Variants in LRWD1 observed in about 807,000 individuals in gnomAD.
LRWD1 encodes leucine-rich repeat and WD repeat-containing protein 1.
In LRWD1, 76 loss-of-function variants were observed where a neutral mutation model predicts 75.6. The observed-to-expected ratio is 1.01, with a 90% CI of 0.84 to 1.22. The LOEUF is 1.22. Among genes scored for constraint, LRWD1 ranks in the 50% most tolerant of loss-of-function variants. The pLI, the probability that LRWD1 is intolerant of heterozygous loss-of-function variation, is 0.00. For missense variants in LRWD1, 917 were observed against 862.0 expected (o/e 1.06, Z -0.80); for synonymous variants, 487 against 377.0 (o/e 1.29, Z -3.38).
At chr7:102,466,078 A>T (rs772490531) in intron 2 of LRWD1, 27 bp downstream of exon 2, 54 of 1,613,362 alleles carry the variant, frequency 3.3e-5, no homozygotes, top group Middle Eastern at 1.6e-4. Flanking sequence ...CACCAGCTTC[A>T]TACCTGGGGC....
Position 102,473,034 on chromosome 7 carries a change from C to G in LRWD1, c.1929C>G (p.Ile643Met). 3 of 1,613,308 alleles carry G rather than the reference C, an allele frequency of 1.9e-6. No individual in the cohort carries two copies. The highest frequency in any genetic ancestry group is 2.5e-6 in the Non-Finnish European group (3 of 1,179,664). Residue 643 changes from isoleucine (I) to methionine (M), a missense_variant, in exon 15 of 15, where the codon ATC (isoleucine) becomes ATG (methionine). By Grantham distance (10) the Ile-to-Met change is conservative. Transcript: ENST00000292616. ...TALTDSNIVA[I>M]WGRM ...TGACGGACTCCAACATCGTAGCCAT[C>G]TGGGGGAGGATGTAGCCTCACACCA...
intron 3 of LRWD1, among the ~76,000 whole-genome samples, chr7:102,467,096 TAGGCACCTGGGTTGTTGCTGGG>T (rs1363057366): frequency 4.5e-4 from 58 of 128,294 alleles, no homozygotes; most frequent in African/African-American, 1.3e-3. Context: ...TGTGTGTGTG[TAGGCACCTGGGTTGTTGCTGGG>T]GTGTGTGTGT....
rs775244670 is a variant in LRWD1 at position 102,472,972 on chromosome 7, G to C, written c.1867G>C (p.Val623Leu). 6.2e-7 allele frequency: 1 copy of C among 1,614,066 alleles called. No homozygotes were observed. The highest frequency in any genetic ancestry group is 1.7e-5 in the Admixed American group (1 of 60,004). Residue 623 changes from valine (V) to leucine (L), a missense_variant, in exon 15 of 15, where the codon GTG becomes CTG. By Grantham distance (32) the Val-to-Leu change is conservative. Coordinates refer to ENST00000292616, the MANE Select transcript of LRWD1 (RefSeq NM_152892.3). ...QVVTKTMVNT[V>L]VANASFTYLT... ...GGTGACCAAGACCATGGTGAACACA[G>C]TGGTGGCCAATGCCTCCTTCACCTA... is the stretch of plus-strand genomic sequence containing the variant.
At position 102,467,450 on chromosome 7, in the gene LRWD1, G is replaced by A. The variant is rs768504896; in HGVS notation, c.544G>A (p.Glu182Lys). Residue 182 changes from glutamate (E) to lysine (K), a missense_variant, in exon 4 of 15, where the codon GAG becomes AAG. Transcript: ENST00000292616. ...TGTCAGGGATGTCCGCTACGGGCCC[G>A]AGTCCCTCAGCGAGTTCACCCAGTG... ...SAVRDVRYGP[E>K]SLSEFTQWRV... The A allele has an allele frequency of 3.7e-6, 6 of 1,613,726 alleles. No individual in the cohort carries two copies. Among genetic ancestry groups the A allele is most frequent in the Middle Eastern group, 1.6e-4 (1 of 6,062 alleles).
chr7:102,472,249 G>A lies in LRWD1; in HGVS notation c.1474G>A (p.Gly492Ser), dbSNP rs1237555697. The A allele has an allele frequency of 6.3e-7, 1 of 1,596,934 alleles. No homozygotes were observed. Among genetic ancestry groups the A allele is most frequent in the Admixed American group, 1.7e-5 (1 of 57,918 alleles). ...TGAAGTGGAATTCGTCTTCTCTGAG[G>A]GCTCCGAGGCATCTGGACGGAGAGT... ...VCEVEFVFSEGSEASGRRVDG... is the reference protein window; with the variant it reads ...VCEVEFVFSESSEASGRRVDG... Residue 492 changes from glycine (G) to serine (S), a missense_variant, in exon 12 of 15, where the codon GGC (glycine) becomes AGC (serine). Coordinates refer to ENST00000292616, the MANE Select transcript of LRWD1 (RefSeq NM_152892.3).
Position 102,465,819 on chromosome 7 carries a change from T to C in LRWD1, c.83T>C (p.Leu28Pro). 6.2e-7 allele frequency: 1 copy of C among 1,612,298 alleles called. No individual in the cohort carries two copies. The highest frequency in any genetic ancestry group is 8.5e-7 in the Non-Finnish European group (1 of 1,179,258). ...AAGCCTTCTGCCCCCAACTCCAGCC[T>C]GTCAGGATTGGAGCTGCTTTCCGAG... ...DRLGKIRSLD[L>P]SGLELLSEHL... Residue 28 changes from leucine to proline, a missense_variant and splice_region_variant, in exon 2 of 15, where the codon CTG becomes CCG. Transcript: ENST00000292616.
At chr7:102,469,701 G>C (rs199632418) in intron 10 of LRWD1, 41 bp from the exon 11 acceptor site, 110 of 1,613,292 alleles carry the variant, frequency 6.8e-5, no homozygotes, top group African/African-American at 1.3e-5. Flanking sequence ...GGGACACCTC[G>C]GTCTGGGTCT....
rs144573118 is a variant in LRWD1, at chr7:102,468,280, G to A, written c.822G>A (p.Glu274=). ...CCCCACAGCCTGCTGTGAAGCTGGA[G>A]CCCCTGCACTTCCTGCAGTGCCACA... ...SDGSQPAVKL[E]PLHFLQCHSK... is the part of the protein sequence containing the mutation. The change falls in exon 7 of 15, where the codon GAG becomes GAA. Residue 274 remains glutamate (E), a synonymous_variant. Coordinates refer to ENST00000292616, the MANE Select transcript of LRWD1 (RefSeq NM_152892.3). The A allele has an allele frequency of 3.9e-5, 62 of 1,610,018 alleles. No individual in the cohort carries two copies. The highest frequency in any genetic ancestry group is 2.5e-4 in the African/African-American group (19 of 75,046).
chr7:102,465,362 C>T (rs1474364053), intron 1 of LRWD1, among the ~76,000 whole-genome samples: 1 of 152,152 alleles, frequency 6.6e-6, no homozygotes, highest in Non-Finnish European at 1.5e-5. Flanking sequence ...GAAGGGAGCC[C>T]GGACAGTTAG....
intron 3 of LRWD1, 140 bp downstream of exon 3, chr7:102,466,410 C>T (rs1563653425): frequency 3.5e-6 from 2 of 570,806 alleles, no homozygotes; most frequent in African/African-American, 3.8e-5. Flanking sequence ...TGATGTGCTA[C>T]TTTATTTATT....
intron 3 of LRWD1, among the ~76,000 whole-genome samples, 168 bp from the exon 4 acceptor site, chr7:102,467,171 G>GGTGTGTGT (rs1209487514): frequency 1.6e-4 from 16 of 99,142 alleles, no homozygotes; most frequent in African/African-American, 5.3e-4. Flanking sequence ...GTGTGTGTGG[G>GGTGTGTGT]GTGTGTGTGT....
intron 3 of LRWD1, 96 bp from the exon 4 acceptor site, chr7:102,467,243 T>A: frequency 4.6e-6 from 6 of 1,316,512 alleles, no homozygotes; most frequent in South Asian, 1.3e-5. Context: ...CCAGGAGGCT[T>A]CCAGCAGGTG....
Position 102,469,560 on chromosome 7 carries a change from C to T in LRWD1, c.1229-14C>T. 1 of 1,614,000 alleles carries T rather than the reference C, an allele frequency of 6.2e-7. No individual in the cohort carries two copies. The highest frequency in any genetic ancestry group is 8.5e-7 in the Non-Finnish European group (1 of 1,179,866). ...TCTCAGGGCCACTTCTCCCCTACCCCACCCCCTCTTCAGCGGCCTCCTATG... is the reference window on the plus strand; with the variant it reads ...TCTCAGGGCCACTTCTCCCCTACCCTACCCCCTCTTCAGCGGCCTCCTATG... On this transcript the variant is annotated splice_polypyrimidine_tract_variant and intron_variant, in intron 9 of 14. Coordinates refer to ENST00000292616, the MANE Select transcript of LRWD1 (RefSeq NM_152892.3).
rs1356027610 is a variant in LRWD1, at chr7:102,472,582, G to A, written c.1663G>A (p.Ala555Thr). 7 of 1,608,436 alleles carry A rather than the reference G, an allele frequency of 4.4e-6. No individual in the cohort carries two copies. Among genetic ancestry groups the A allele is most frequent in the African/African-American group, 1.3e-5 (1 of 74,884 alleles). Residue 555 changes from alanine to threonine, a missense_variant, in exon 13 of 15, where the codon GCC (alanine) becomes ACC (threonine). Coordinates refer to ENST00000292616, the MANE Select transcript of LRWD1 (RefSeq NM_152892.3). ...ARLQWSSTEL[A>T]YFSLSACPDK... ...GCTGCAATGGTCGTCCACCGAGTTG[G>A]CCTACTTCTCGCTCAGCGCCTGCCC...
At chr7:102,472,109 G>T (rs572161875) in intron 11 of LRWD1, 109 bp from the exon 12 acceptor site, 2 of 976,458 alleles carry the variant, frequency 2.0e-6, no homozygotes, top group Non-Finnish European at 3.2e-6. Context: ...CTTCTGTGCA[G>T]CCTTCACACA....
chr7:102,472,744 C>T lies in LRWD1; in HGVS notation c.1743C>T (p.Asp581=), dbSNP rs10249943. The T allele has an allele frequency of 6.6e-3, 10,620 of 1,613,456 alleles. 564 individuals carry two copies. In the African/African-American group the frequency reaches 0.12, roughly 18 times the overall value. ...AGGAGGGCAACGTGTGGCTCTACGA[C>T]GTCAGCAACATCCTGAAGCAGCCAC... ...GDEEGNVWLY[D]VSNILKQPPL... The change falls in exon 14 of 15, where the codon GAC becomes GAT. Residue 581 remains aspartate, a synonymous_variant. Transcript: ENST00000292616.
At position 102,467,431 on chromosome 7, in the gene LRWD1, G is replaced by A; in HGVS notation, c.525G>A (p.Arg175=). The A allele has an allele frequency of 6.2e-7, 1 of 1,613,864 alleles. No individual in the cohort carries two copies. Among genetic ancestry groups the A allele is most frequent in the Non-Finnish European group, 8.5e-7 (1 of 1,179,972 alleles). Residue 175 remains arginine (R), a synonymous_variant, in exon 4 of 15, where the codon AGG becomes AGA. Transcript: ENST00000292616. ...CGGACTTTGTGAAGTCGGCTGTCAG[G>A]GATGTCCGCTACGGGCCCGAGTCCC... The part of the protein sequence containing the change: ...AQADFVKSAV[R]DVRYGPESLS...
rs1248213152 is a variant in LRWD1, at chr7:102,469,076, C to A, written c.1228+14C>A. ...CCCATCTCTTCAGTAAGCCCCTCCC[C>A]TTCACCCCTGGGACCCCCAAGCACC... On this transcript the variant is annotated intron_variant, in intron 9 of 14. Transcript: ENST00000292616. The A allele has an allele frequency of 4.4e-6, 7 of 1,581,772 alleles. No individual in the cohort carries two copies. The highest frequency in any genetic ancestry group is 6.0e-6 in the Non-Finnish European group (7 of 1,162,514).
intron 1 of LRWD1, 114 bp from the exon 2 acceptor site, chr7:102,465,703 C>T (rs1350637978): frequency 6.9e-6 from 5 of 719,584 alleles, no homozygotes; most frequent in Non-Finnish European, 1.2e-5. Flanking sequence ...ATGGGCGGGG[C>T]GGCTACACTT....
Sources: allele counts gnomAD v4.1 joint callset (sites outside exome capture counted in the v4.1 genomes callset), GRCh38; gene constraint gnomAD v4.1.1; transcripts MANE v1.5; gene names NCBI Gene and HGNC (gene_info 2026-07-23, HGNC 2026-07-21).